Variants in MMP20 observed in about 807,000 individuals in gnomAD.
The protein encoded by MMP20 is matrix metallopeptidase 20, also known as matrix metalloproteinase-20.
MMP20 carries 50 observed loss-of-function variants against 51.8 expected under a neutral mutation model. The observed-to-expected ratio is 0.97, with a 90% CI of 0.77 to 1.22. MMP20 has a LOEUF of 1.22. Among genes scored for constraint, MMP20 ranks in the 50% most tolerant of loss-of-function variants. The pLI is 0.00. For synonymous variants in MMP20, 244 were observed against 216.2 expected (o/e 1.13, Z -1.13); for missense variants, 663 against 601.4 (o/e 1.10, Z -1.07).
chr11:102,596,378 C>G (rs1204287094), intron 6 of MMP20, among the ~76,000 whole-genome samples: 1 of 152,190 alleles, frequency 6.6e-6, no homozygotes, highest in Non-Finnish European at 1.5e-5. Context: ...CCACTGCTGA[C>G]CAGCCTCTCC....
intron 8 of MMP20, among the ~76,000 whole-genome samples, chr11:102,583,109 T>C (rs1231968024): frequency 6.6e-6 from 1 of 152,210 alleles, no homozygotes; most frequent in Non-Finnish European, 1.5e-5. Flanking sequence ...AAGCTGCTTC[T>C]TGTTCCCCTA....
chr11:102,610,755 G>GTT (rs1311000909), intron 3 of MMP20, among the ~76,000 whole-genome samples: 13 of 146,468 alleles, frequency 8.9e-5, no homozygotes, highest in African/African-American at 9.9e-5. Flanking sequence ...CCCAGTTTTA[G>GTT]TTTGTTTTTT....
intron 6 of MMP20, among the ~76,000 whole-genome samples, chr11:102,600,763 G>C (rs1859435941): frequency 1.3e-5 from 2 of 152,124 alleles, no homozygotes. Flanking sequence ...TGGGATTACA[G>C]GTGTGAGCCA....
intron 8 of MMP20, among the ~76,000 whole-genome samples, chr11:102,588,643 G>T (rs1859280773): frequency 6.6e-6 from 1 of 152,138 alleles, no homozygotes; most frequent in Non-Finnish European, 1.5e-5. Context: ...GAAGAAATAT[G>T]CATTTATACT....
Position 102,608,974 on chromosome 11 carries a change from G to T in MMP20, c.774C>A (p.Leu258=), listed in dbSNP as rs768826041. 1 of 1,614,176 alleles carries T rather than the reference G, an allele frequency of 6.2e-7. No homozygotes were observed. Among genetic ancestry groups the T allele is most frequent in the Admixed American group, 1.7e-5 (1 of 60,018 alleles). Residue 258 remains leucine (L), a synonymous_variant, in exon 5 of 10, where the codon CTC becomes CTA. Coordinates refer to ENST00000260228, the MANE Select transcript of MMP20 (RefSeq NM_004771.4). The stretch of plus-strand genomic sequence containing the variant: ...GGATCCCTTTCACATCATCTTTGGG[G>T]AGGTGGAATCCATAGGGATTCTTGT... ...YKYKNPYGFH[L]PKDDVKGIQA... is the part of the protein sequence containing the mutation.
chr11:102,601,092 C>G (rs1565394371), intron 6 of MMP20, among the ~76,000 whole-genome samples: 4 of 150,670 alleles, frequency 2.7e-5, no homozygotes, highest in Non-Finnish European at 5.9e-5. Flanking sequence ...CAACACATAG[C>G]ACGTTGCAAA....
intron 8 of MMP20, among the ~76,000 whole-genome samples, chr11:102,582,531 G>C (rs1784409): frequency 0.53 from 79,976 of 151,894 alleles, 21,426 homozygotes; most frequent in South Asian, 0.67. Flanking sequence ...AATGAAGTGG[G>C]CTTTGTGATC....
In MMP20 at chr11:102,615,939, C is replaced by T. The variant is rs114981640; in HGVS notation, c.374+873G>A. Reference sequence around the variant, plus strand: ...CTCAGGCTGAGGGGCAGGTACCATACATAGTTTGCCCTTGGTTGGACCAAC... The same window carrying T: ...CTCAGGCTGAGGGGCAGGTACCATATATAGTTTGCCCTTGGTTGGACCAAC... On this transcript the variant is annotated intron_variant, in intron 2 of 9. Transcript: ENST00000260228. Among the ~76,000 whole-genome samples the T allele has an allele frequency of 6.7e-3, 1,020 of 152,214 alleles. 16 individuals carry two copies. Among genetic ancestry groups the T allele is most frequent in the African/African-American group, 0.023 (971 of 41,534 alleles).
At position 102,609,093 on chromosome 11, in the gene MMP20, T is replaced by A; in HGVS notation, c.655A>T (p.Asn219Tyr). ...EKWTMGTNGF[N>Y]LFTVAAHEFG... ...TCATGAGCAGCAACGGTAAACAAATTAAAACCTAGACAATATGAGAGAGAA... is the reference window on the plus strand; with the variant it reads ...TCATGAGCAGCAACGGTAAACAAATAAAAACCTAGACAATATGAGAGAGAA... The change falls in exon 5 of 10, where the codon AAT becomes TAT. Residue 219 changes from asparagine (N) to tyrosine (Y), a missense_variant. Transcript: ENST00000260228. The A allele has an allele frequency of 1.2e-6, 2 of 1,614,130 alleles. No individual in the cohort carries two copies. The highest frequency in any genetic ancestry group is 2.2e-5 in the South Asian group (2 of 91,086).
At chr11:102,615,772 G>C (rs982197368) in intron 2 of MMP20, among the ~76,000 whole-genome samples, 2 of 152,028 alleles carry the variant, frequency 1.3e-5, no homozygotes, top group Non-Finnish European at 2.9e-5. Context: ...CTATATGCTT[G>C]GTCTGGTTTT....
At position 102,581,549 on chromosome 11, in the gene MMP20, C is replaced by T. The variant is rs149502145; in HGVS notation, c.1248-2407G>A. ...AGATTATATGATAGGATGAAGATCA[C>T]GGGGATTTTTACCAATAATAAATAA... On this transcript the variant is annotated intron_variant, in intron 8 of 9. Transcript: ENST00000260228. 6.2e-3 allele frequency among the ~76,000 whole-genome samples: 938 copies of T among 151,910 alleles called. 14 individuals carry two copies. The highest frequency in any genetic ancestry group is 0.02 in the African/African-American group (833 of 41,440).
chr11:102,582,438 G>A (rs1040125658), intron 8 of MMP20, among the ~76,000 whole-genome samples: 5 of 152,156 alleles, frequency 3.3e-5, no homozygotes, highest in Admixed American at 3.3e-4. Flanking sequence ...TTTCCAGTGT[G>A]GGTCAGGAGG....
intron 9 of MMP20, among the ~76,000 whole-genome samples, chr11:102,578,659 C>T (rs562878056): frequency 9.2e-5 from 14 of 152,246 alleles, no homozygotes; most frequent in African/African-American, 3.4e-4. Flanking sequence ...TCGCTCGAAT[C>T]TGGGAGGCAG....
At position 102,579,120 on chromosome 11, in the gene MMP20, T is replaced by C; in HGVS notation, c.1270A>G (p.Met424Val). Residue 424 changes from methionine to valine, a missense_variant, in exon 9 of 10, where the codon ATG becomes GTG. Physicochemically the swap from Met to Val is conservative, Grantham distance 21. Coordinates refer to ENST00000260228, the MANE Select transcript of MMP20 (RefSeq NM_004771.4). The stretch of plus-strand genomic sequence containing the variant: ...GTATTCTTTGGATAGTCTTTTTCCA[T>C]TTTCCTTTTCCTTTCGTCGTAGCTA... ...YYSYDERKRK[M>V]EKDYPKNTEE... 6.2e-7 allele frequency: 1 copy of C among 1,612,288 alleles called. No homozygotes were observed. The highest frequency in any genetic ancestry group is 2.2e-5 in the East Asian group (1 of 44,846).
chr11:102,579,922 T>G (rs1177991207), intron 8 of MMP20, among the ~76,000 whole-genome samples: 1 of 152,224 alleles, frequency 6.6e-6, no homozygotes, highest in Non-Finnish European at 1.5e-5. Context: ...CTTTCATAGG[T>G]GCTTTTATTC....
chr11:102,587,309 AG>A (rs766438576), intron 8 of MMP20, among the ~76,000 whole-genome samples: 8 of 152,208 alleles, frequency 5.3e-5, no homozygotes, highest in Non-Finnish European at 1.2e-4. Flanking sequence ...TGTGATCAGA[AG>A]AGATACTTGT....
chr11:102,614,359 T>C (rs934339841), intron 2 of MMP20, among the ~76,000 whole-genome samples: 4 of 152,042 alleles, frequency 2.6e-5, no homozygotes, highest in African/African-American at 9.7e-5. Flanking sequence ...GATGGTAGAG[T>C]TATTGGGGAG....
chr11:102,620,442 A>T (rs998939845), intron 1 of MMP20, among the ~76,000 whole-genome samples: 1 of 152,164 alleles, frequency 6.6e-6, no homozygotes, highest in Non-Finnish European at 1.5e-5. Flanking sequence ...TGGCACTGGG[A>T]CAAAGAATTC....
At chr11:102,603,455 T>G (rs974234832) in intron 6 of MMP20, among the ~76,000 whole-genome samples, 1 of 152,170 alleles carries the variant, frequency 6.6e-6, no homozygotes, top group South Asian at 2.1e-4. Flanking sequence ...TAGTTTGGGT[T>G]TGAATTCCAG....
Sources: allele counts gnomAD v4.1 joint callset (sites outside exome capture counted in the v4.1 genomes callset), GRCh38; gene constraint gnomAD v4.1.1; transcripts MANE v1.5; gene names NCBI Gene and HGNC (gene_info 2026-07-23, HGNC 2026-07-21).